The following LRMDA variants were observed in gnomAD, a reference collection of about 807,000 sequenced individuals.
LRMDA encodes the protein leucine-rich melanocyte differentiation-associated protein.
Under a neutral mutation model 29.8 loss-of-function variants are expected in LRMDA, and 18 were observed. The ratio of observed to expected loss-of-function variants is 0.60; its 90% CI spans 0.42 to 0.90. The LOEUF (loss-of-function observed/expected upper bound fraction) is 0.90, where lower values mean the gene tolerates loss of function less well. LRMDA is among the 40% of genes least tolerant of loss of function. LRMDA has a pLI of 0.00. For missense variants in LRMDA, 273 were observed against 273.9 expected, an observed-to-expected ratio of 1.00 and a Z score of 0.02; for synonymous variants, 125 against 109.4, an observed-to-expected ratio of 1.14 and a Z score of -0.89.
chr10:75,741,444 A>G (rs946002200), intron 2 of LRMDA, among the ~76,000 whole-genome samples: 5 of 152,112 alleles, frequency 3.3e-5, no homozygotes, highest in Non-Finnish European at 7.4e-5. Context: ...TTTAAAAAAA[A>G]AAAAGGCTCA....
chr10:76,337,191 C>T (rs1840980084), intron 6 of LRMDA, among the ~76,000 whole-genome samples: 1 of 152,124 alleles, frequency 6.6e-6, no homozygotes, highest in African/African-American at 2.4e-5. Context: ...AGAGCATGTT[C>T]TATGTGTCAA....
chr10:76,312,248 C>G (rs1300240118), intron 5 of LRMDA, among the ~76,000 whole-genome samples: 1 of 152,190 alleles, frequency 6.6e-6, no homozygotes, highest in Non-Finnish European at 1.5e-5. Context: ...GAATCTGAGG[C>G]ATGATGGATA....
At chr10:75,542,606 C>T (rs559352333) in intron 2 of LRMDA, among the ~76,000 whole-genome samples, 33 of 152,208 alleles carry the variant, frequency 2.2e-4, no homozygotes, top group African/African-American at 7.0e-4. Context: ...GAGCTGATTG[C>T]GAATATTTAT....
intron 2 of LRMDA, among the ~76,000 whole-genome samples, chr10:75,602,788 T>G (rs922385254): frequency 2.6e-5 from 4 of 152,202 alleles, no homozygotes; most frequent in Non-Finnish European, 5.9e-5. Flanking sequence ...ATTACAACTT[T>G]ATATATTAAA....
intron 2 of LRMDA, among the ~76,000 whole-genome samples, chr10:75,599,519 G>T (rs1447530744): frequency 6.6e-6 from 1 of 152,202 alleles, no homozygotes; most frequent in South Asian, 2.1e-4. Flanking sequence ...CTGGAGGATG[G>T]TCTTATGGTG....
intron 6 of LRMDA, among the ~76,000 whole-genome samples, chr10:76,335,836 A>G (rs1162376297): frequency 6.6e-6 from 1 of 152,120 alleles, no homozygotes; most frequent in African/African-American, 2.4e-5. Flanking sequence ...TAGATTGTAA[A>G]TATTTCTTAT....
At chr10:75,865,294 G>C (rs1425187024) in intron 2 of LRMDA, among the ~76,000 whole-genome samples, 1 of 152,202 alleles carries the variant, frequency 6.6e-6, no homozygotes, top group Non-Finnish European at 1.5e-5. Context: ...TTGTGGGACA[G>C]TGGCAAGTTA....
chr10:75,988,355 C>T (rs148197644), intron 2 of LRMDA, among the ~76,000 whole-genome samples: 6 of 152,102 alleles, frequency 3.9e-5, no homozygotes, highest in Non-Finnish European at 8.8e-5. Flanking sequence ...GCCGTGAGTC[C>T]GAACAGGGGA....
rs533068366 is a variant in LRMDA, at chr10:76,379,046, T to G, written c.601+54561T>G. Among the ~76,000 whole-genome samples, 468 of 151,930 alleles carry G rather than the reference T, an allele frequency of 3.1e-3. 4 individuals carry two copies. The highest frequency in any genetic ancestry group is 0.011 in the African/African-American group (438 of 41,460). Reference sequence around the variant, plus strand: ...TACTTTTTATATTTTTAGTAGAGATTGGGTTTCACCATGTTGGCCAGGCTG... The same window carrying G: ...TACTTTTTATATTTTTAGTAGAGATGGGGTTTCACCATGTTGGCCAGGCTG... On this transcript the variant is annotated intron_variant, in intron 6 of 6. Coordinates refer to ENST00000611255, the MANE Select transcript of LRMDA (RefSeq NM_001305581.2).
rs570559360 is a variant in LRMDA at position 75,824,920 on chromosome 10, A to G, written c.132-211088A>G. 3.3e-5 allele frequency among the ~76,000 whole-genome samples: 5 copies of G among 152,350 alleles called. No homozygotes were observed. In the South Asian group the frequency reaches 1.0e-3, roughly 32 times the overall value. The stretch of plus-strand genomic sequence containing the variant: ...TGACTTAAGAGGTCCAGTGACCCCA[A>G]TGAGCAGCCATAGTACATTTAAATT... On this transcript the variant is annotated intron_variant, in intron 2 of 6. Coordinates refer to ENST00000611255, the MANE Select transcript of LRMDA (RefSeq NM_001305581.2).
chr10:76,433,468 C>T (rs945569295), intron 6 of LRMDA, among the ~76,000 whole-genome samples: 2 of 152,112 alleles, frequency 1.3e-5, no homozygotes, highest in East Asian at 1.9e-4. Flanking sequence ...GAGGACCTGG[C>T]GTGCATTTCT....
chr10:75,549,711 A>G (rs1840119222), intron 2 of LRMDA, among the ~76,000 whole-genome samples: 1 of 152,158 alleles, frequency 6.6e-6, no homozygotes, highest in African/African-American at 2.4e-5. Context: ...TGACAAATGC[A>G]TACAGTCATG....
chr10:76,039,916 C>T (rs1848313842), intron 3 of LRMDA, among the ~76,000 whole-genome samples: 1 of 152,172 alleles, frequency 6.6e-6, no homozygotes, highest in Admixed American at 6.5e-5. Flanking sequence ...ACTTGGGCCA[C>T]ATTGTAACCA....
chr10:76,279,063 T>C (rs1840170442), intron 5 of LRMDA, among the ~76,000 whole-genome samples: 1 of 152,190 alleles, frequency 6.6e-6, no homozygotes, highest in African/African-American at 2.4e-5. Context: ...TGACTCAGAC[T>C]GTTCTGGAAA....
chr10:75,841,023 A>G (rs1384955534), intron 2 of LRMDA, among the ~76,000 whole-genome samples: 2 of 152,230 alleles, frequency 1.3e-5, no homozygotes, highest in Non-Finnish European at 2.9e-5. Context: ...CAACATTGCC[A>G]GGGCTTTGTG....
rs188045159 is a variant in LRMDA at position 75,500,077 on chromosome 10, T to C, written c.131+61583T>C. 7.2e-5 allele frequency among the ~76,000 whole-genome samples: 11 copies of C among 152,322 alleles called. 1 individual carries two copies. The highest frequency in any genetic ancestry group is 2.6e-4 in the African/African-American group (11 of 41,568). ...GCAATAGAGCCCTTTAGTTGAGTGA[T>C]GTGTTATGTGGAACCCTAATATGTC... On this transcript the variant is annotated intron_variant, in intron 2 of 6. Coordinates refer to ENST00000611255, the MANE Select transcript of LRMDA (RefSeq NM_001305581.2).
intron 6 of LRMDA, among the ~76,000 whole-genome samples, chr10:76,374,475 A>G (rs534618843): frequency 6.6e-6 from 1 of 152,296 alleles, no homozygotes; most frequent in South Asian, 2.1e-4. Flanking sequence ...AGAAAAGAAG[A>G]TATAAAAGTG....
chr10:76,172,914 T>G (rs184779774), intron 5 of LRMDA, among the ~76,000 whole-genome samples: 2 of 152,084 alleles, frequency 1.3e-5, no homozygotes, highest in Admixed American at 6.5e-5. Flanking sequence ...ACATGAGAAA[T>G]ATGACCCAAA....
chr10:75,782,706 G>A, intron 2 of LRMDA: 2 of 1,265,522 alleles, frequency 1.6e-6, no homozygotes, highest in African/African-American at 1.5e-5. Flanking sequence ...ATAAAGCCAG[G>A]CACTTGTGAG....
Sources: allele counts gnomAD v4.1 joint callset (sites outside exome capture counted in the v4.1 genomes callset), GRCh38; gene constraint gnomAD v4.1.1; transcripts MANE v1.5; gene names NCBI Gene and HGNC (gene_info 2026-07-23, HGNC 2026-07-21).